The following SNX8 variants were observed in gnomAD, a reference collection of about 807,000 sequenced individuals.
The protein encoded by SNX8 is sorting nexin 8, also known as sorting nexin-8.
Under a neutral mutation model 51.6 loss-of-function variants are expected in SNX8, and 25 were observed. The ratio of observed to expected loss-of-function variants is 0.48; its 90% confidence interval spans 0.35 to 0.68. SNX8 has a LOEUF of 0.68. Ranked by LOEUF, SNX8 falls within the 30% of genes least tolerant of loss-of-function variation. SNX8 has a pLI of 0.00. For missense variants in SNX8, 695 were observed against 624.0 expected (o/e 1.11, Z -1.21); for synonymous variants, 324 against 277.0 (o/e 1.17, Z -1.68).
In SNX8 at chr7:2,254,626, GTCCCATGCCT is replaced by G; in HGVS notation, c.*420_*429del. On this transcript the variant is annotated 3_prime_UTR_variant, in exon 11 of 11. Transcript: ENST00000222990. ...GCTGTCCCCTCGCTGTCCGTGGTCA[GTCCCATGCCT>G]GGGCTGCAGGGCAGCCCTGCCCTCT... The G allele has an allele frequency of 5.1e-6, 1 of 197,032 alleles. No individual in the cohort carries two copies. The highest frequency in any genetic ancestry group is 8.3e-5 in the South Asian group (1 of 12,026). 12.2% of individuals were successfully genotyped at this position (197,032 alleles called of 1,614,324 possible).
chr7:2,315,529 A>G (rs1796739621), upstream of SNX8, among the ~76,000 whole-genome samples: 1 of 150,104 alleles, frequency 6.7e-6, no homozygotes, highest in African/African-American at 2.5e-5. Context: ...CCACTCACTC[A>G]CTGCATCCTG....
At chr7:2,286,264 GGCCTCCCAAAGT>G (rs1796026394) in intron 1 of SNX8, among the ~76,000 whole-genome samples, 2 of 149,374 alleles carry the variant, frequency 1.3e-5, no homozygotes, top group African/African-American at 4.9e-5. Context: ...CGCCTGCCTC[GGCCTCCCAAAGT>G]GCTGGGATTA....
upstream of SNX8, chr7:2,314,441 T>TAA: frequency 2.5e-6 from 3 of 1,209,064 alleles, no homozygotes; most frequent in East Asian, 1.0e-4. Context: ...CGCTCCCACG[T>TAA]GACTTCCTCC....
chr7:2,273,262 C>T (rs1055207122), intron 3 of SNX8, among the ~76,000 whole-genome samples: 18 of 151,924 alleles, frequency 1.2e-4, no homozygotes, highest in African/African-American at 4.3e-4. Flanking sequence ...TCAGCCTGGC[C>T]AGCGTAGCGA....
chr7:2,320,590 G>A (rs961813407), intron 1 of SNX8, among the ~76,000 whole-genome samples: 2 of 152,032 alleles, frequency 1.3e-5, no homozygotes, highest in Admixed American at 1.3e-4. Flanking sequence ...GCCTGGTGGT[G>A]GTGTGTTCCT....
chr7:2,329,081 G>A (rs1168811615), intron 1 of SNX8, among the ~76,000 whole-genome samples: 1 of 142,540 alleles, frequency 7.0e-6, no homozygotes, highest in Non-Finnish European at 1.5e-5. Context: ...GTGAGACTCT[G>A]TCTCAAAAAA....
intron 1 of SNX8, among the ~76,000 whole-genome samples, chr7:2,301,594 T>C (rs941634898): frequency 2.6e-5 from 4 of 152,032 alleles, no homozygotes; most frequent in Admixed American, 6.6e-5. Flanking sequence ...AACTAAGGGG[T>C]GATTTATGCA....
chr7:2,346,361 G>C (rs1779026917), intron 1 of SNX8, among the ~76,000 whole-genome samples: 1 of 151,782 alleles, frequency 6.6e-6, no homozygotes, highest in African/African-American at 2.4e-5. Context: ...CAGGAGGGTT[G>C]CTTGAACCCA....
intron 3 of SNX8, among the ~76,000 whole-genome samples, chr7:2,273,556 A>C (rs1208065167): frequency 6.7e-6 from 1 of 149,358 alleles, no homozygotes; most frequent in Non-Finnish European, 1.5e-5. Context: ...ACTGCACTCC[A>C]GCCTGGGTGA....
rs202007686 is a variant in SNX8, at chr7:2,346,001, TTTC to T, written c.-66+8218_-66+8220del. ...TTTTGTATTTTTAGTAGAGACAGGG[TTTC>T]ACCATGTTGGCCAGGCTGGTCTCGA... On this transcript the variant is annotated intron_variant, in intron 1 of 5. Transcript: ENST00000435336. Among the ~76,000 whole-genome samples the T allele has an allele frequency of 5.9e-5, 9 of 151,934 alleles. 1 individual carries two copies. The East Asian group carries it at 1.6e-3, about 27-fold the overall frequency.
chr7:2,323,357 A>C (rs1375051010), intron 1 of SNX8, among the ~76,000 whole-genome samples: 7 of 149,662 alleles, frequency 4.7e-5, no homozygotes, highest in South Asian at 2.1e-4. Context: ...AAACAACCAA[A>C]CAAACAAAAA....
chr7:2,344,246 C>T (rs756868631), intron 1 of SNX8, among the ~76,000 whole-genome samples: 2 of 151,672 alleles, frequency 1.3e-5, no homozygotes, highest in Non-Finnish European at 2.9e-5. Context: ...CTTTGGGAGG[C>T]CAAGGTGGGA....
chr7:2,331,433 G>A (rs937024151), intron 1 of SNX8, among the ~76,000 whole-genome samples: 18 of 151,962 alleles, frequency 1.2e-4, no homozygotes, highest in African/African-American at 1.4e-4. Context: ...TAGGCCAGGC[G>A]CGGTGGCTCA....
chr7:2,301,716 G>C (rs527435811), intron 1 of SNX8, among the ~76,000 whole-genome samples: 1 of 152,148 alleles, frequency 6.6e-6, no homozygotes, highest in Admixed American at 6.6e-5. Context: ...ACTGGCAGGC[G>C]TGTCTTATGG....
At chr7:2,277,792 G>A (rs1331090718) in intron 2 of SNX8, among the ~76,000 whole-genome samples, 1 of 149,292 alleles carries the variant, frequency 6.7e-6, no homozygotes, top group Non-Finnish European at 1.5e-5. Flanking sequence ...GGGCGACAGA[G>A]CAAGACTCCA....
intron 1 of SNX8, among the ~76,000 whole-genome samples, chr7:2,331,680 G>T (rs1007179990): frequency 1.3e-5 from 2 of 151,024 alleles, no homozygotes; most frequent in African/African-American, 4.9e-5. Context: ...ACTCCAGCCT[G>T]GGCAACAGAG....
At chr7:2,272,168 C>T (rs1403411885) in intron 3 of SNX8, among the ~76,000 whole-genome samples, 197 bp from the exon 4 acceptor site, 1 of 152,176 alleles carries the variant, frequency 6.6e-6, no homozygotes, top group Non-Finnish European at 1.5e-5. Context: ...CCCCCAGAGG[C>T]CCCCTCCAGC....
intron 1 of SNX8, among the ~76,000 whole-genome samples, chr7:2,343,086 C>A (rs994738482): frequency 6.6e-6 from 1 of 151,832 alleles, no homozygotes; most frequent in South Asian, 2.1e-4. Flanking sequence ...TGAGCCACCA[C>A]GCCTGGCCTG....
At chr7:2,257,912 G>C (rs577323644) in intron 7 of SNX8, 109 bp from the exon 8 acceptor site, 1 of 1,049,850 alleles carries the variant, frequency 9.5e-7, no homozygotes. Context: ...CCCAGAGTCA[G>C]ACGGGCTCCC....
Sources: gnomAD v4.1 joint callset for allele counts (sites outside exome capture counted in the v4.1 genomes callset) on GRCh38, gnomAD v4.1.1 for gene constraint, MANE v1.5 for transcripts, NCBI Gene and HGNC (gene_info 2026-07-23, HGNC 2026-07-21) for gene names.